Variants in GOLM2 observed in about 807,000 individuals in gnomAD.
The protein encoded by GOLM2 is golgi membrane protein 2, also known as protein GOLM2.
Under a neutral mutation model 55.9 loss-of-function variants are expected in GOLM2, and 26 were observed. The ratio of observed to expected loss-of-function variants is 0.47; its 90% confidence interval spans 0.34 to 0.65. The LOEUF is 0.65. Among genes scored for constraint, GOLM2 ranks in the 30% least tolerant of loss-of-function variants. The probability of loss-of-function intolerance (pLI) is 0.01; values close to 1 mark genes in which losing one functional copy is unlikely to be tolerated. For missense variants in GOLM2, 486 were observed against 531.8 expected (o/e 0.91, Z 0.85); for synonymous variants, 165 against 194.6 (o/e 0.85, Z 1.27).
In GOLM2 at chr15:44,381,900, G is replaced by T. The variant is rs564223973; in HGVS notation, c.1072+924G>T. On this transcript the variant is annotated intron_variant, in intron 8 of 9. Coordinates refer to ENST00000299957, the MANE Select transcript of GOLM2 (RefSeq NM_138423.4). ...ACTCCTGGGCTGAAGTGATCCTCCC[G>T]CCTTAGCCTCACAAAGTGCTGGGAT... Among the ~76,000 whole-genome samples, 11 of 152,132 alleles carry T rather than the reference G, an allele frequency of 7.2e-5. No individual in the cohort carries two copies. In the East Asian group the frequency reaches 2.1e-3, roughly 29 times the overall value.
intron 6 of GOLM2, among the ~76,000 whole-genome samples, chr15:44,369,070 TATATA>T (rs2079307708): frequency 6.5e-4 from 11 of 16,954 alleles, no homozygotes; most frequent in East Asian, 6.1e-3. Flanking sequence ...GGATATATTA[TATATA>T]TATATATATA....
chr15:44,316,521 C>T (rs999334174), intron 1 of GOLM2, among the ~76,000 whole-genome samples: 3 of 151,910 alleles, frequency 2.0e-5, no homozygotes, highest in Non-Finnish European at 2.9e-5. Context: ...TTTGGGAGGC[C>T]GAGGCAGCCA....
chr15:44,406,670 G>T (rs2079599300), intron 9 of GOLM2: 1 of 152,128 alleles, frequency 6.6e-6, no homozygotes, highest in Non-Finnish European at 1.5e-5. Flanking sequence ...AAACTTTATT[G>T]CCACTATTGT....
At chr15:44,290,748 T>C (rs1257465866) in intron 1 of GOLM2, among the ~76,000 whole-genome samples, 1 of 152,248 alleles carries the variant, frequency 6.6e-6, no homozygotes, top group African/African-American at 2.4e-5. Flanking sequence ...TTGTAATTAA[T>C]ACTCTTGATT....
rs148920650 is a variant in GOLM2 at position 44,291,003 on chromosome 15, A to G, written c.327+1647A>G. 2.5e-3 allele frequency among the ~76,000 whole-genome samples: 383 copies of G among 151,672 alleles called. 1 individual carries two copies. The highest frequency in any genetic ancestry group is 6.9e-3 in the African/African-American group (285 of 41,328). ...TTTTTAGTAGAGAAGGGGTTTCTCAATGTTGGTCAGGCTGGTCTTGAACTA... is the reference window on the plus strand; with the variant it reads ...TTTTTAGTAGAGAAGGGGTTTCTCAGTGTTGGTCAGGCTGGTCTTGAACTA... On this transcript the variant is annotated intron_variant, in intron 1 of 9. Transcript: ENST00000299957.
chr15:44,308,609 C>CA (rs1567021824), intron 1 of GOLM2: 2 of 148,458 alleles, frequency 1.3e-5, no homozygotes, highest in African/African-American at 4.9e-5. Flanking sequence ...CTATATTTAA[C>CA]TTTTTTTTTT....
At chr15:44,317,224 A>G (rs1289065378) in intron 1 of GOLM2, among the ~76,000 whole-genome samples, 1 of 151,650 alleles carries the variant, frequency 6.6e-6, no homozygotes, top group African/African-American at 2.4e-5. Flanking sequence ...AAAGACAAAA[A>G]AAATTATCTG....
At chr15:44,368,693 A>G (rs1004880203) in intron 6 of GOLM2, among the ~76,000 whole-genome samples, 1 of 151,874 alleles carries the variant, frequency 6.6e-6, no homozygotes, top group Non-Finnish European at 1.5e-5. Flanking sequence ...TTGAACATAT[A>G]TATACGCACA....
chr15:44,386,353 G>T (rs1035278306), intron 8 of GOLM2, among the ~76,000 whole-genome samples: 7 of 152,146 alleles, frequency 4.6e-5, no homozygotes, highest in Admixed American at 1.3e-4. Context: ...AGATATATGG[G>T]TTTATTTCTG....
At chr15:44,296,261 A>C (rs1297939173) in intron 1 of GOLM2, among the ~76,000 whole-genome samples, 2 of 152,182 alleles carry the variant, frequency 1.3e-5, no homozygotes, top group Non-Finnish European at 2.9e-5. Flanking sequence ...TACTAAAGCT[A>C]TGTGGTCCAG....
intron 6 of GOLM2, among the ~76,000 whole-genome samples, chr15:44,351,608 A>G (rs2079165088): frequency 6.6e-6 from 1 of 150,488 alleles, no homozygotes; most frequent in African/African-American, 2.5e-5. Flanking sequence ...ACACAGACAA[A>G]CAAAGAACAT....
chr15:44,382,687 A>G (rs920450982), intron 8 of GOLM2, among the ~76,000 whole-genome samples: 2 of 152,090 alleles, frequency 1.3e-5, no homozygotes, highest in African/African-American at 4.8e-5. Flanking sequence ...CCTTACCTGT[A>G]TATATTTTTT....
intron 8 of GOLM2, among the ~76,000 whole-genome samples, chr15:44,383,876 G>A (rs1208568180): frequency 3.3e-5 from 5 of 151,522 alleles, no homozygotes; most frequent in Admixed American, 2.6e-4. Flanking sequence ...ATGAGGTCTC[G>A]TTCTGTTGTC....
rs116464578 is a variant in GOLM2, at chr15:44,385,137, A to T, written c.1072+4161A>T. Among the ~76,000 whole-genome samples, 1,270 of 152,268 alleles carry T rather than the reference A, an allele frequency of 8.3e-3. 20 individuals carry two copies. The highest frequency in any genetic ancestry group is 0.029 in the African/African-American group (1,205 of 41,558). On this transcript the variant is annotated intron_variant, in intron 8 of 9. Transcript: ENST00000299957. ...TGGCTATCGAATAGTGCTTCTATGA[A>T]CATTTATGTACAAGTTTTTTTGAAC... is the stretch of plus-strand genomic sequence containing the variant.
intron 8 of GOLM2, among the ~76,000 whole-genome samples, chr15:44,388,838 C>G (rs369251893): frequency 8.6e-5 from 13 of 151,410 alleles, no homozygotes; most frequent in Non-Finnish European, 1.9e-4. Context: ...TTTTTTTAGA[C>G]GGAGTCTCGG....
chr15:44,405,672 G>A (rs1471768090), intron 9 of GOLM2, among the ~76,000 whole-genome samples: 1 of 151,920 alleles, frequency 6.6e-6, no homozygotes, highest in African/African-American at 2.4e-5. Context: ...CCAGGCTAGA[G>A]TGCAGTGGTG....
intron 6 of GOLM2, among the ~76,000 whole-genome samples, chr15:44,342,637 CT>C (rs1328414041): frequency 1.3e-5 from 2 of 152,130 alleles, no homozygotes; most frequent in African/African-American, 2.4e-5. Context: ...AGCAATTATC[CT>C]TAATTATTTG....
intron 8 of GOLM2, among the ~76,000 whole-genome samples, chr15:44,391,107 CT>C (rs2079485098): frequency 6.6e-6 from 1 of 152,168 alleles, no homozygotes; most frequent in African/African-American, 2.4e-5. Flanking sequence ...AAGTTCCCCC[CT>C]TCCCTCAAAA....
intron 8 of GOLM2, among the ~76,000 whole-genome samples, chr15:44,385,133 A>G (rs565119637): frequency 3.2e-4 from 48 of 152,270 alleles, no homozygotes; most frequent in African/African-American, 1.1e-3. Context: ...TAGTGCTTCT[A>G]TGAACATTTA....
Sources: gnomAD v4.1 joint callset for allele counts (sites outside exome capture counted in the v4.1 genomes callset) on GRCh38, gnomAD v4.1.1 for gene constraint, MANE v1.5 for transcripts, NCBI Gene and HGNC (gene_info 2026-07-23, HGNC 2026-07-21) for gene names.